The following LOC400499 variants were observed in gnomAD, a reference collection of about 807,000 sequenced individuals.
the LOC400499 span, among the ~76,000 whole-genome samples, chr16:11,521,089 G>C: frequency 6.6e-6 from 1 of 152,160 alleles, no homozygotes; most frequent in African/African-American, 2.4e-5. Flanking sequence ...TAATAAAGCA[G>C]CATCTCTGAC....
At chr16:11,443,867 C>T in the LOC400499 span, among the ~76,000 whole-genome samples, 1 of 150,926 alleles carries the variant, frequency 6.6e-6, no homozygotes, top group East Asian at 1.9e-4. Context: ...CCAAGTCTCT[C>T]TCTGTCACCA....
At chr16:11,508,452 G>A in the LOC400499 span, among the ~76,000 whole-genome samples, 3 of 152,176 alleles carry the variant, frequency 2.0e-5, no homozygotes, top group African/African-American at 7.2e-5. Context: ...ACTGTTGTGT[G>A]CTCGTAGACA....
the LOC400499 span, chr16:11,469,556 T>C: frequency 2.5e-6 from 1 of 399,052 alleles, no homozygotes; most frequent in Admixed American, 4.4e-5. Flanking sequence ...AGCCGGAACT[T>C]GTTCTGGGGC....
chr16:11,462,079 C>G, the LOC400499 span: 1 of 1,423,432 alleles, frequency 7.0e-7, no homozygotes, highest in East Asian at 2.7e-5. Context: ...CTAACCTGGC[C>G]ACAGAGCAGA....
At chr16:11,437,897 A>C in the LOC400499 span, among the ~76,000 whole-genome samples, 906 of 152,126 alleles carry the variant, frequency 6.0e-3, 12 homozygotes, top group African/African-American at 0.021. Context: ...TAATGTTTGC[A>C]CTCATTAGAT....
the LOC400499 span, among the ~76,000 whole-genome samples, chr16:11,468,975 T>C: frequency 6.6e-6 from 1 of 152,364 alleles, no homozygotes; most frequent in Middle Eastern, 3.4e-3. Flanking sequence ...ATTTTTAACA[T>C]CAATGACGGT....
At chr16:11,380,822 C>G in the LOC400499 span, 1 of 152,130 alleles carries the variant, frequency 6.6e-6, no homozygotes, top group African/African-American at 2.4e-5. Context: ...GCTGACGTAG[C>G]GGACTCAAAA....
At chr16:11,520,614 C>T in the LOC400499 span, among the ~76,000 whole-genome samples, 3 of 139,914 alleles carry the variant, frequency 2.1e-5, no homozygotes, top group African/African-American at 8.2e-5. Context: ...TTGCAATGAG[C>T]TGAGATTGTG....
the LOC400499 span, among the ~76,000 whole-genome samples, chr16:11,511,883 C>G: frequency 6.6e-6 from 1 of 151,886 alleles, no homozygotes; most frequent in African/African-American, 2.4e-5. Context: ...AAAAAATAGC[C>G]AGGCATGGTG....
chr16:11,496,507 G>A, the LOC400499 span, among the ~76,000 whole-genome samples: 2 of 152,216 alleles, frequency 1.3e-5, no homozygotes, highest in Non-Finnish European at 2.9e-5. Context: ...GAATCCTAGT[G>A]CTTGTGGGTG....
the LOC400499 span, among the ~76,000 whole-genome samples, chr16:11,508,253 C>G: frequency 6.6e-6 from 1 of 152,162 alleles, no homozygotes; most frequent in East Asian, 1.9e-4. Context: ...CTCAGGGCCT[C>G]AGATTCTTGA....
the LOC400499 span, chr16:11,390,220 A>G: frequency 3.2e-6 from 4 of 1,232,402 alleles, no homozygotes; most frequent in Admixed American, 1.7e-4. Flanking sequence ...GGGAGGGGAC[A>G]GTGAGAGCTG....
chr16:11,374,114 TC>T, the LOC400499 span, among the ~76,000 whole-genome samples: 1 of 152,246 alleles, frequency 6.6e-6, no homozygotes, highest in Non-Finnish European at 1.5e-5. Flanking sequence ...TTTAATAATT[TC>T]TAGTTCCCTG....
the LOC400499 span, among the ~76,000 whole-genome samples, chr16:11,496,817 T>G: frequency 6.6e-6 from 1 of 152,180 alleles, no homozygotes; most frequent in East Asian, 1.9e-4. Flanking sequence ...TCCTGCCATG[T>G]CTTCACATGT....
chr16:11,390,378 G>A, the LOC400499 span: 1 of 1,237,648 alleles, frequency 8.1e-7, no homozygotes, highest in African/African-American at 1.5e-5. Context: ...GCCGCCGCAT[G>A]GCCTCCTCTG....
the LOC400499 span, among the ~76,000 whole-genome samples, chr16:11,445,707 G>A: frequency 1.3e-5 from 2 of 152,238 alleles, no homozygotes; most frequent in Admixed American, 6.5e-5. Context: ...TATCCCAAGA[G>A]AGGCTGTCAG....
At chr16:11,475,214 C>A in the LOC400499 span, among the ~76,000 whole-genome samples, 31 of 152,152 alleles carry the variant, frequency 2.0e-4, no homozygotes, top group African/African-American at 7.0e-4. Context: ...CTAATGCATG[C>A]GGGGCTTGTA....
At chr16:11,447,905 T>A in the LOC400499 span, 89 of 1,523,184 alleles carry the variant, frequency 5.8e-5, 2 homozygotes, top group South Asian at 1.1e-3. Context: ...CTTGCAGGGG[T>A]GTCAGCTGAG....
chr16:11,419,669 C>A, the LOC400499 span, among the ~76,000 whole-genome samples: 574 of 150,998 alleles, frequency 3.8e-3, 1 homozygote, highest in Non-Finnish European at 5.5e-3. Context: ...CAGGCAACCT[C>A]CAAAATGGGA....
Sources: gnomAD v4.1 joint callset for allele counts (sites outside exome capture counted in the v4.1 genomes callset) on GRCh38, gnomAD v4.1.1 for gene constraint, MANE v1.5 for transcripts.